OTUD4: variants seen among roughly 807,000 people sequenced by gnomAD.
The protein encoded by OTUD4 is OTU domain-containing protein 4.
Under a neutral mutation model 130.4 loss-of-function variants are expected in OTUD4, and 24 were observed. The ratio of observed to expected loss-of-function variants is 0.18; its 90% CI spans 0.13 to 0.26. The LOEUF (loss-of-function observed/expected upper bound fraction) is 0.26, where lower values mean the gene tolerates loss of function less well. OTUD4 is among the 10% of genes least tolerant of loss of function. The pLI is 1.00. For synonymous variants in OTUD4, 420 were observed against 472.5 expected (o/e 0.89, Z 1.44); for missense variants, 1,031 against 1,329.4 (o/e 0.78, Z 3.49).
chr4:145,146,131 ATG>A (rs1750811169), intron 14 of OTUD4, 134 bp downstream of exon 14: 1 of 482,964 alleles, frequency 2.1e-6, no homozygotes, highest in Non-Finnish European at 3.4e-6. Context: ...AATAGGAAAA[ATG>A]TGAAAAATGT....
Position 145,174,730 on chromosome 4 carries a change from C to T in OTUD4, c.174G>A (p.Gln58=). Residue 58 remains glutamine (Q), a synonymous_variant, in exon 2 of 21, where the codon CAG becomes CAA. Coordinates refer to ENST00000447906, the MANE Select transcript of OTUD4 (RefSeq NM_001366057.1). ...RAVAEQVLHS[Q]SRHVEVRMAC... ...CCATTCTGACTTCAACATGGCGAGA[C>T]TGAGAGTGCAATACCTAAAAAGAAA... 2 of 1,603,614 alleles carry T rather than the reference C, an allele frequency of 1.2e-6. No individual in the cohort carries two copies. Among genetic ancestry groups the T allele is most frequent in the Non-Finnish European group, 1.7e-6 (2 of 1,170,548 alleles).
chr4:145,178,317 G>A (rs1168063235), intron 1 of OTUD4, among the ~76,000 whole-genome samples: 1 of 152,124 alleles, frequency 6.6e-6, no homozygotes, highest in African/African-American at 2.4e-5. Context: ...TCAAATCCAA[G>A]TAAGCGCCAA....
chr4:145,138,445 T>G lies in OTUD4; in HGVS notation c.2330A>C (p.Asn777Thr). 3.1e-6 allele frequency: 5 copies of G among 1,614,168 alleles called. No individual in the cohort carries two copies. The highest frequency in any genetic ancestry group is 4.2e-6 in the Non-Finnish European group (5 of 1,180,036). Residue 777 changes from asparagine to threonine, a missense_variant, in exon 21 of 21, where the codon AAT becomes ACT. Physicochemically the swap from Asn to Thr is moderately conservative, Grantham distance 65. Around this residue, in one of 3 missense-constraint regions of OTUD4, gnomAD observed 900 missense variants for 1,095.9 expected, o/e 0.82. Coordinates refer to ENST00000447906, the MANE Select transcript of OTUD4 (RefSeq NM_001366057.1). ...HFPMQTEASV[N>T]GQMPQPEIGP... ...AATCTCTGGCTGTGGCATTTGACCA[T>G]TAACACTGGCCTCAGTCTGCATAGG...
intron 1 of OTUD4, among the ~76,000 whole-genome samples, chr4:145,176,196 C>T (rs1181872139): frequency 6.6e-6 from 1 of 151,590 alleles, no homozygotes; most frequent in Non-Finnish European, 1.5e-5. Context: ...ACGCCCGGCC[C>T]TAGCTCCCAA....
intron 7 of OTUD4, among the ~76,000 whole-genome samples, chr4:145,158,802 A>C (rs1189871173): frequency 6.6e-6 from 1 of 152,210 alleles, no homozygotes; most frequent in Non-Finnish European, 1.5e-5. Flanking sequence ...ATGCTATCTC[A>C]GATTGAATCT....
Position 145,141,365 on chromosome 4 carries a change from G to A in OTUD4, c.2083+14C>T. ...ACTTGATAAAGTCGATTTGAACTTGGAGAAGGAGCTCACCTTTAGGTAGGT... is the reference window on the plus strand; with the variant it reads ...ACTTGATAAAGTCGATTTGAACTTGAAGAAGGAGCTCACCTTTAGGTAGGT... On this transcript the variant is annotated intron_variant, in intron 19 of 20. Coordinates refer to ENST00000447906, the MANE Select transcript of OTUD4 (RefSeq NM_001366057.1). 6.4e-7 allele frequency: 1 copy of A among 1,566,188 alleles called. No homozygotes were observed. Among genetic ancestry groups the A allele is most frequent in the South Asian group, 1.2e-5 (1 of 83,652 alleles).
chr4:145,177,962 T>C (rs1207548934), intron 1 of OTUD4, among the ~76,000 whole-genome samples: 1 of 152,194 alleles, frequency 6.6e-6, no homozygotes, highest in Non-Finnish European at 1.5e-5. Context: ...ACACTTTGCC[T>C]TTGGCGATGA....
intron 3 of OTUD4, chr4:145,171,211 T>A (rs1356506976): frequency 6.5e-6 from 1 of 154,436 alleles, no homozygotes; most frequent in East Asian, 1.9e-4. Context: ...TGCACGCCTG[T>A]AGTCCCAGAT....
rs1751734811 is a variant in OTUD4, at chr4:145,164,237, C to T, written c.342-11G>A. 8.5e-7 allele frequency: 1 copy of T among 1,171,912 alleles called. No individual in the cohort carries two copies. Among genetic ancestry groups the T allele is most frequent in the Non-Finnish European group, 1.2e-6 (1 of 812,816 alleles). The allele number at this position is 1,171,912 out of a possible 1,614,324, so 72.6% of individuals were successfully genotyped here. A position where few individuals can be genotyped will look rare whatever the true frequency, so the allele number is the denominator to read the frequency against. On this transcript the variant is annotated splice_polypyrimidine_tract_variant and intron_variant, in intron 4 of 20. Coordinates refer to ENST00000447906, the MANE Select transcript of OTUD4 (RefSeq NM_001366057.1). ...ATTATAAAATCTTTCCTGAAAATAA[C>T]AATTAGAAATTATTTATAATGGACT...
chr4:145,150,549 T>C lies in OTUD4; in HGVS notation c.1223A>G (p.His408Arg). ...TGAAGGTGTCCGGCTAAGATTTTTG[T>C]GCTCACTGGAGAATTTCTGAGACTG... ...GSQSQKFSSE[H>R]KNLSRTPSQI... The change falls in exon 13 of 21, where the codon CAC becomes CGC. Residue 408 changes from histidine (H) to arginine (R), a missense_variant. Physicochemically the swap from His to Arg is conservative, Grantham distance 29. This residue lies in a region of OTUD4 where 900 missense variants were observed against 1,095.9 expected (regional missense o/e 0.82). Coordinates refer to ENST00000447906, the MANE Select transcript of OTUD4 (RefSeq NM_001366057.1). The C allele has an allele frequency of 6.2e-7, 1 of 1,611,064 alleles. No homozygotes were observed. The highest frequency in any genetic ancestry group is 1.1e-5 in the South Asian group (1 of 90,936).
intron 13 of OTUD4, among the ~76,000 whole-genome samples, chr4:145,147,181 T>C (rs1426625957): frequency 6.6e-6 from 1 of 151,868 alleles, no homozygotes; most frequent in African/African-American, 2.4e-5. Context: ...TAAAAACCTC[T>C]AAAAAAAATA....
chr4:145,168,346 C>A (rs1447057520), intron 3 of OTUD4, among the ~76,000 whole-genome samples: 1 of 148,330 alleles, frequency 6.7e-6, no homozygotes, highest in African/African-American at 2.5e-5. Flanking sequence ...TGCCACTGCA[C>A]TCCAGCCTGG....
intron 1 of OTUD4, among the ~76,000 whole-genome samples, chr4:145,177,758 G>A (rs1752496441): frequency 6.6e-6 from 1 of 152,158 alleles, no homozygotes; most frequent in Non-Finnish European, 1.5e-5. Context: ...TGGAGAGAAA[G>A]ACCAAAATCC....
intron 4 of OTUD4, among the ~76,000 whole-genome samples, chr4:145,164,858 C>T (rs1454769296): frequency 6.6e-6 from 1 of 152,158 alleles, no homozygotes; most frequent in East Asian, 1.9e-4. Flanking sequence ...TTCAATACCA[C>T]TGACCCTGAG....
At chr4:145,170,734 T>C (rs1356688247) in intron 3 of OTUD4, 1 of 152,242 alleles carries the variant, frequency 6.6e-6, no homozygotes, top group Non-Finnish European at 1.5e-5. Context: ...CACCCTTGGT[T>C]CCTACATTAC....
In OTUD4 at chr4:145,151,047, T is replaced by C. The variant is rs192624490; in HGVS notation, c.969-142A>G. 7.0e-5 allele frequency: 35 copies of C among 499,356 alleles called. No homozygotes were observed. The Admixed American group carries it at 9.3e-4, about 13-fold the overall frequency. The allele number at this position is 499,356 out of a possible 1,614,324, so 30.9% of individuals were successfully genotyped here. On this transcript the variant is annotated intron_variant, in intron 11 of 20. Transcript: ENST00000447906. ...AACAAATTACAATTAAGGTACAAAT[T>C]GCATTTACCAATCCAGATGTAATTC...
Position 145,174,639 on chromosome 4 carries a change from CAT to C in OTUD4, c.243+20_243+21del, listed in dbSNP as rs1460213005. ...GTAAAACCAAGTCAAGACACCATTACATGTTTGAAATTACAAGTTACCGCTTC... is the reference window on the plus strand; with the variant it reads ...GTAAAACCAAGTCAAGACACCATTACGTTTGAAATTACAAGTTACCGCTTC... On this transcript the variant is annotated intron_variant, in intron 2 of 20. Coordinates refer to ENST00000447906, the MANE Select transcript of OTUD4 (RefSeq NM_001366057.1). The C allele has an allele frequency of 2.2e-6, 3 of 1,370,012 alleles. No homozygotes were observed. Among genetic ancestry groups the C allele is most frequent in the Non-Finnish European group, 3.1e-6 (3 of 957,492 alleles). 84.9% of individuals were successfully genotyped at this position (1,370,012 alleles called of 1,614,324 possible).
intron 16 of OTUD4, 24 bp from the exon 17 acceptor site, chr4:145,143,469 A>C (rs774619079): frequency 1.4e-6 from 2 of 1,450,488 alleles, no homozygotes; most frequent in South Asian, 2.3e-5. Flanking sequence ...AAAGAAGCAA[A>C]GTTTTGTATT....
chr4:145,165,833 G>A (rs1162826129), intron 3 of OTUD4, among the ~76,000 whole-genome samples: 6 of 152,128 alleles, frequency 3.9e-5, no homozygotes, highest in Non-Finnish European at 5.9e-5. Flanking sequence ...TCAGGAGAGC[G>A]CCTGGCACAT....
Sources: allele counts gnomAD v4.1 joint callset (sites outside exome capture counted in the v4.1 genomes callset), GRCh38; gene constraint gnomAD v4.1.1; regional missense constraint gnomAD v4.1.1; transcripts MANE v1.5; gene names NCBI Gene and HGNC (gene_info 2026-07-23, HGNC 2026-07-21).